The following AAK1 variants were observed in gnomAD, a reference collection of about 807,000 sequenced individuals.
AAK1 encodes the protein AP2 associated kinase 1.
Under a neutral mutation model 116.0 loss-of-function variants are expected in AAK1, and 37 were observed. The observed-to-expected ratio is 0.32, with a 90% CI of 0.25 to 0.42. The LOEUF is 0.42. Among genes scored for constraint, AAK1 ranks in the 10% least tolerant of loss-of-function variants. The pLI is 1.00. For missense variants in AAK1, 919 were observed against 1,170.6 expected (o/e 0.79, Z 3.14); for synonymous variants, 458 against 439.9 (o/e 1.04, Z -0.51).
Position 69,641,936 on chromosome 2 carries a change from A to T in AAK1, c.163+942T>A, listed in dbSNP as rs559782778. ...AGTCTGAATTGCTTCATGCCAAGGA[A>T]ATTGCTGCTTTTATTAAAAATAAAA... On this transcript the variant is annotated intron_variant, in intron 2 of 21. Coordinates refer to ENST00000409085, the MANE Select transcript of AAK1 (RefSeq NM_014911.5). 3.3e-5 allele frequency among the ~76,000 whole-genome samples: 5 copies of T among 152,286 alleles called. No homozygotes were observed. The South Asian group carries it at 1.0e-3, about 32-fold the overall frequency.
chr2:69,532,333 C>T (rs188235164), intron 5 of AAK1, among the ~76,000 whole-genome samples, 171 bp from the exon 6 acceptor site: 22 of 152,226 alleles, frequency 1.4e-4, no homozygotes, highest in African/African-American at 5.1e-4. Context: ...AAGTGGAACA[C>T]AGGAGATGCA....
At position 69,475,466 on chromosome 2, in the gene AAK1, G is replaced by C. The variant is rs1490102349; in HGVS notation, c.*403C>G. The stretch of plus-strand genomic sequence containing the variant: ...CATTCATCAGCATCTGGCCAAAGGA[G>C]ACGGGGGTTGGGAGAATTGATCTGG... On this transcript the variant is annotated 3_prime_UTR_variant, in exon 22 of 22. Coordinates refer to ENST00000409085, the MANE Select transcript of AAK1 (RefSeq NM_014911.5). 1 of 1,015,414 alleles carries C rather than the reference G, an allele frequency of 9.8e-7. No homozygotes were observed. Among genetic ancestry groups the C allele is most frequent in the Non-Finnish European group, 1.2e-6 (1 of 847,644 alleles). 62.9% of individuals were successfully genotyped at this position (1,015,414 alleles called of 1,614,324 possible). A position where few individuals can be genotyped will look rare whatever the true frequency, so the allele number is the denominator to read the frequency against.
At chr2:69,477,023 C>A in intron 20 of AAK1, 33 bp from the exon 21 acceptor site, 1 of 1,451,534 alleles carries the variant, frequency 6.9e-7, no homozygotes, top group Non-Finnish European at 9.6e-7. Flanking sequence ...CAAGCAGAAA[C>A]AACAGAGGCA....
chr2:69,472,496 T>C lies in AAK1; in HGVS notation c.*3373A>G, dbSNP rs1175399321. The C allele has an allele frequency of 1.7e-6, 1 of 583,614 alleles. No homozygotes were observed. The highest frequency in any genetic ancestry group is 1.4e-4 in the East Asian group (1 of 6,976). The allele number at this position is 583,614 out of a possible 1,614,324, so 36.2% of individuals were successfully genotyped here. A position where few individuals can be genotyped will look rare whatever the true frequency, so the allele number is the denominator to read the frequency against. On this transcript the variant is annotated 3_prime_UTR_variant, in exon 22 of 22. Coordinates refer to ENST00000409085, the MANE Select transcript of AAK1 (RefSeq NM_014911.5). ...CTTCTTAAGTAAAACTAGATGACAT[T>C]GAGGGGAACAACACTTAATTAGATG...
intron 2 of AAK1, among the ~76,000 whole-genome samples, chr2:69,561,120 A>G (rs1172461240): frequency 1.3e-5 from 2 of 152,200 alleles, no homozygotes; most frequent in African/African-American, 4.8e-5. Context: ...TGTTCAGGTC[A>G]CCATAGCACA....
At position 69,604,002 on chromosome 2, in the gene AAK1, C is replaced by T. The variant is rs150309328; in HGVS notation, c.163+38876G>A. Among the ~76,000 whole-genome samples the T allele has an allele frequency of 6.4e-3, 972 of 152,274 alleles. 21 individuals carry two copies. Among genetic ancestry groups the T allele is most frequent in the East Asian group, 0.012 (63 of 5,182 alleles). ...AGAGGAAGCATACCCACTTCCAGTT[C>T]CAAATAACTTTCCTTGCAAAAGGCA... On this transcript the variant is annotated intron_variant, in intron 2 of 21. Transcript: ENST00000409085.
At chr2:69,491,039 G>A (rs1186102342) in intron 17 of AAK1, among the ~76,000 whole-genome samples, 1 of 151,800 alleles carries the variant, frequency 6.6e-6, no homozygotes, top group Non-Finnish European at 1.5e-5. Flanking sequence ...CTGGGCTCAA[G>A]GATCCTCCTG....
chr2:69,474,970 TC>T lies in AAK1; in HGVS notation c.*898del. ...CTACAATTCCTTCCCCTCCCCATCC[TC>T]CCCCCACCCCCGCCCCAGTGAAAAG... On this transcript the variant is annotated 3_prime_UTR_variant, in exon 22 of 22. Coordinates refer to ENST00000409085, the MANE Select transcript of AAK1 (RefSeq NM_014911.5). 1.0e-5 allele frequency: 1 copy of T among 99,812 alleles called. No individual in the cohort carries two copies. The highest frequency in any genetic ancestry group is 1.4e-5 in the Non-Finnish European group (1 of 72,820). 6.2% of individuals were successfully genotyped at this position (99,812 alleles called of 1,614,324 possible).
chr2:69,475,762 C>A lies in AAK1; in HGVS notation c.*107G>T. The A allele has an allele frequency of 6.7e-7, 1 of 1,483,580 alleles. No individual in the cohort carries two copies. Among genetic ancestry groups the A allele is most frequent in the Non-Finnish European group, 9.0e-7 (1 of 1,109,946 alleles). The allele number at this position is 1,483,580 out of a possible 1,614,324, so 91.9% of individuals were successfully genotyped here. A position where few individuals can be genotyped will look rare whatever the true frequency, so the allele number is the denominator to read the frequency against. On this transcript the variant is annotated 3_prime_UTR_variant, in exon 22 of 22. Coordinates refer to ENST00000409085, the MANE Select transcript of AAK1 (RefSeq NM_014911.5). The stretch of plus-strand genomic sequence containing the variant: ...GGTAGGAGAAAAGGGCTGGAGGGCC[C>A]CTTATTTGCAGATTTTTTTAAAAAA...
chr2:69,501,060 C>A (rs906697922), intron 16 of AAK1, among the ~76,000 whole-genome samples: 1 of 152,076 alleles, frequency 6.6e-6, no homozygotes, highest in Non-Finnish European at 1.5e-5. Context: ...TTCTGTGACC[C>A]TCTTTCCAGA....
At position 69,475,064 on chromosome 2, in the gene AAK1, C is replaced by G. The variant is rs985886232; in HGVS notation, c.*805G>C. On this transcript the variant is annotated 3_prime_UTR_variant, in exon 22 of 22. Coordinates refer to ENST00000409085, the MANE Select transcript of AAK1 (RefSeq NM_014911.5). ...TCTAATTCTGAGATCCCACTTGGAA[C>G]AGTTAACATGAAAAGGAATGGCAAT... 3 of 978,794 alleles carry G rather than the reference C, an allele frequency of 3.1e-6. No individual in the cohort carries two copies. The highest frequency in any genetic ancestry group is 1.8e-5 in the African/African-American group (1 of 55,136). 60.6% of individuals were successfully genotyped at this position (978,794 alleles called of 1,614,324 possible).
At chr2:69,634,801 T>C (rs1675376102) in intron 2 of AAK1, among the ~76,000 whole-genome samples, 1 of 152,062 alleles carries the variant, frequency 6.6e-6, no homozygotes, top group Admixed American at 6.5e-5. Context: ...TCACCATCTT[T>C]ACCTATGTTC....
intron 16 of AAK1, among the ~76,000 whole-genome samples, chr2:69,503,103 T>C (rs529849193): frequency 1.3e-5 from 2 of 152,328 alleles, no homozygotes; most frequent in Admixed American, 1.3e-4. Flanking sequence ...ATATTGGTCA[T>C]AGTGCAATGA....
Position 69,469,874 on chromosome 2 carries a change from T to C in AAK1, c.*5995A>G, listed in dbSNP as rs1280457149. On this transcript the variant is annotated 3_prime_UTR_variant, in exon 22 of 22. Transcript: ENST00000409085. The stretch of plus-strand genomic sequence containing the variant: ...TATGGGTAACTCCATATTAGTCTAT[T>C]TTGAGGCTCCAAATTATGTAGATTT... The C allele has an allele frequency of 2.0e-6, 2 of 985,442 alleles. No homozygotes were observed. Among genetic ancestry groups the C allele is most frequent in the African/African-American group, 3.5e-5 (2 of 57,342 alleles). The allele number at this position is 985,442 out of a possible 1,614,324, so 61.0% of individuals were successfully genotyped here.
chr2:69,630,105 G>A (rs549260506), intron 2 of AAK1, among the ~76,000 whole-genome samples: 4 of 152,172 alleles, frequency 2.6e-5, no homozygotes, highest in African/African-American at 9.6e-5. Flanking sequence ...GCAGACCTGC[G>A]GCATTAGCAC....
At chr2:69,481,795 T>C (rs1373698762) in intron 18 of AAK1, 1 of 152,224 alleles carries the variant, frequency 6.6e-6, no homozygotes, top group Non-Finnish European at 1.5e-5. Flanking sequence ...ACTTGGTATA[T>C]ACATGGACCT....
At chr2:69,537,481 G>T (rs1416721820) in intron 5 of AAK1, among the ~76,000 whole-genome samples, 1 of 152,074 alleles carries the variant, frequency 6.6e-6, no homozygotes, top group Non-Finnish European at 1.5e-5. Context: ...CCCGAAGTAG[G>T]CCTGGCCCGT....
chr2:69,475,115 T>A lies in AAK1; in HGVS notation c.*754A>T. On this transcript the variant is annotated 3_prime_UTR_variant, in exon 22 of 22. Coordinates refer to ENST00000409085, the MANE Select transcript of AAK1 (RefSeq NM_014911.5). ...ACTTGGGATTTATATAACGTACACA[T>A]TGTATCCAAGGATCTCAAATACTTG... The A allele has an allele frequency of 1.0e-6, 1 of 985,814 alleles. No individual in the cohort carries two copies. Among genetic ancestry groups the A allele is most frequent in the South Asian group, 4.7e-5 (1 of 21,278 alleles). The allele number at this position is 985,814 out of a possible 1,614,324, so 61.1% of individuals were successfully genotyped here.
At chr2:69,510,591 T>C (rs566696929) in intron 13 of AAK1, among the ~76,000 whole-genome samples, 3 of 152,340 alleles carry the variant, frequency 2.0e-5, no homozygotes, top group South Asian at 2.1e-4. Context: ...GGTTGAATAG[T>C]AGTTCTCTTT....
Sources: allele counts gnomAD v4.1 joint callset (sites outside exome capture counted in the v4.1 genomes callset), GRCh38; gene constraint gnomAD v4.1.1; transcripts MANE v1.5; gene names NCBI Gene and HGNC (gene_info 2026-07-23, HGNC 2026-07-21).